AKR1E2: variants seen among roughly 807,000 people sequenced by gnomAD.
AKR1E2 encodes the protein 1,5-anhydro-D-fructose reductase.
Under a neutral mutation model 41.9 loss-of-function variants are expected in AKR1E2, and 43 were observed. The observed-to-expected ratio is 1.03, with a 90% CI of 0.80 to 1.32. The LOEUF (loss-of-function observed/expected upper bound fraction) is 1.32, where lower values mean the gene tolerates loss of function less well. Among genes scored for constraint, AKR1E2 ranks in the 40% most tolerant of loss-of-function variants. The pLI, the probability that AKR1E2 is intolerant of heterozygous loss-of-function variation, is 0.00. For missense variants in AKR1E2, 423 were observed against 396.5 expected (o/e 1.07, Z -0.57); for synonymous variants, 121 against 138.9 (o/e 0.87, Z 0.91).
chr10:4,866,726 C>T, the AKR1E2 span, among the ~76,000 whole-genome samples: 3 of 150,462 alleles, frequency 2.0e-5, no homozygotes, highest in Admixed American at 6.6e-5. Context: ...CTGCAGGCTC[C>T]GGGAGCAGAG....
At chr10:4,837,310 G>A (rs1833505634) in intron 4 of AKR1E2, 149 bp from the exon 5 acceptor site, 2 of 1,180,062 alleles carry the variant, frequency 1.7e-6, no homozygotes, top group South Asian at 3.4e-5. Flanking sequence ...CAGACCTTGA[G>A]TGCAGAAATG....
chr10:4,835,849 G>C (rs770036179), intron 4 of AKR1E2, 40 bp downstream of exon 4: 1 of 1,608,944 alleles, frequency 6.2e-7, no homozygotes, highest in South Asian at 1.1e-5. Context: ...CATCCTGTGT[G>C]GGTCTCCACC....
the AKR1E2 span, among the ~76,000 whole-genome samples, chr10:4,866,693 T>A: frequency 7.1e-6 from 1 of 141,292 alleles, no homozygotes; most frequent in Non-Finnish European, 1.5e-5. Flanking sequence ...CAGGCTGGAG[T>A]GCAGTGGCGC....
chr10:4,837,927 G>T (rs1833566242), intron 5 of AKR1E2, among the ~76,000 whole-genome samples: 1 of 152,232 alleles, frequency 6.6e-6, no homozygotes, highest in African/African-American at 2.4e-5. Flanking sequence ...TTCCCAGCCT[G>T]CAGACTGCAG....
At chr10:4,868,043 A>G in the AKR1E2 span, among the ~76,000 whole-genome samples, 3 of 152,186 alleles carry the variant, frequency 2.0e-5, no homozygotes, top group African/African-American at 7.2e-5. Flanking sequence ...GGTTTGGGAA[A>G]TAATGTGGGC....
chr10:4,857,813 CT>C, the AKR1E2 span, among the ~76,000 whole-genome samples: 2 of 152,026 alleles, frequency 1.3e-5, no homozygotes, highest in Non-Finnish European at 2.9e-5. Flanking sequence ...CTCTCTCATA[CT>C]TTTTTTTATT....
At chr10:4,854,997 C>A in the AKR1E2 span, among the ~76,000 whole-genome samples, 1 of 152,168 alleles carries the variant, frequency 6.6e-6, no homozygotes, top group South Asian at 2.1e-4. Context: ...TGTACAGGAT[C>A]ATGGGACATG....
chr10:4,833,218 T>A, intron 2 of AKR1E2, 132 bp from the exon 3 acceptor site: 1 of 723,010 alleles, frequency 1.4e-6, no homozygotes, highest in Non-Finnish European at 2.5e-6. Flanking sequence ...CATCAGAACT[T>A]GCCGTGTTGT....
At chr10:4,827,753 T>C (rs1327502121) in intron 1 of AKR1E2, among the ~76,000 whole-genome samples, 1 of 152,234 alleles carries the variant, frequency 6.6e-6, no homozygotes, top group African/African-American at 2.4e-5. Context: ...TCTTAGAGGC[T>C]AGGAGTGTCG....
chr10:4,834,382 G>A (rs113007642), intron 3 of AKR1E2, among the ~76,000 whole-genome samples: 93 of 152,312 alleles, frequency 6.1e-4, no homozygotes, highest in African/African-American at 2.0e-3. Context: ...GCAGCTGTCC[G>A]TTAGTGACAC....
chr10:4,826,829 A>G (rs971804448), intron 1 of AKR1E2, among the ~76,000 whole-genome samples: 1 of 152,068 alleles, frequency 6.6e-6, no homozygotes, highest in Non-Finnish European at 1.5e-5. Flanking sequence ...TAATCCCAGC[A>G]CTTTGGGAGG....
At chr10:4,835,271 T>C (rs1833309714) in intron 3 of AKR1E2, among the ~76,000 whole-genome samples, 1 of 152,234 alleles carries the variant, frequency 6.6e-6, no homozygotes, top group Non-Finnish European at 1.5e-5. Flanking sequence ...ATGGGGATTC[T>C]AAGAAAGAAG....
the AKR1E2 span, among the ~76,000 whole-genome samples, chr10:4,867,740 G>C: frequency 1.3e-5 from 2 of 152,216 alleles, no homozygotes; most frequent in Non-Finnish European, 2.9e-5. Flanking sequence ...GCTCTGTGTA[G>C]CAGTGATAAG....
downstream of AKR1E2, among the ~76,000 whole-genome samples, chr10:4,850,508 T>G (rs192415478): frequency 1.3e-5 from 2 of 152,286 alleles, no homozygotes; most frequent in East Asian, 3.9e-4. Flanking sequence ...TTGATTGTTT[T>G]GAGAAACTGC....
chr10:4,832,694 G>A (rs114090447), intron 2 of AKR1E2, among the ~76,000 whole-genome samples: 21 of 152,172 alleles, frequency 1.4e-4, no homozygotes, highest in African/African-American at 3.6e-4. Context: ...TACTGTGCTC[G>A]TTTGTTTTCA....
At chr10:4,859,715 G>C in the AKR1E2 span, among the ~76,000 whole-genome samples, 1 of 152,214 alleles carries the variant, frequency 6.6e-6, no homozygotes, top group Non-Finnish European at 1.5e-5. Context: ...TCTCTCTTTA[G>C]ATATCTTAAG....
At chr10:4,864,229 G>A in the AKR1E2 span, among the ~76,000 whole-genome samples, 5 of 152,008 alleles carry the variant, frequency 3.3e-5, no homozygotes, top group Admixed American at 6.6e-5. Context: ...CTGGCAAACC[G>A]AATCCAGCAG....
At chr10:4,846,455 C>T (rs981975754) in intron 8 of AKR1E2, among the ~76,000 whole-genome samples, 1 of 152,024 alleles carries the variant, frequency 6.6e-6, no homozygotes, top group Admixed American at 6.6e-5. Context: ...AGTCCCAGGG[C>T]CAAGTGGGTC....
At chr10:4,840,027 G>C in intron 6 of AKR1E2, among the ~76,000 whole-genome samples, 1 of 152,252 alleles carries the variant, frequency 6.6e-6, no homozygotes, top group East Asian at 1.9e-4. Flanking sequence ...GAGTGGCTGT[G>C]AGTGGGCTGC....
Sources: gnomAD v4.1 joint callset for allele counts (sites outside exome capture counted in the v4.1 genomes callset) on GRCh38, gnomAD v4.1.1 for gene constraint, MANE v1.5 for transcripts, NCBI Gene and HGNC (gene_info 2026-07-23, HGNC 2026-07-21) for gene names.